Variants in MALRD1 observed in about 807,000 individuals in gnomAD.
MALRD1 encodes MAM and LDL receptor class A domain containing 1.
Under a neutral mutation model 242.1 loss-of-function variants are expected in MALRD1, and 247 were observed. The observed-to-expected ratio is 1.02, with a 90% confidence interval of 0.92 to 1.13. MALRD1 has a LOEUF of 1.13. Among genes scored for constraint, MALRD1 ranks in the 50% most tolerant of loss-of-function variants. The pLI is 0.00. For missense variants in MALRD1, 2,989 were observed against 2,533.1 expected (o/e 1.18, Z -3.86); for synonymous variants, 995 against 866.6 (o/e 1.15, Z -2.60).
intron 8 of MALRD1, among the ~76,000 whole-genome samples, chr10:19,130,795 C>A (rs1833071885): frequency 6.6e-6 from 1 of 152,086 alleles, no homozygotes; most frequent in African/African-American, 2.4e-5. Flanking sequence ...TGCCATTCTT[C>A]TGGTGGCTTT....
chr10:19,320,939 T>C (rs1473377343), intron 21 of MALRD1, among the ~76,000 whole-genome samples: 4 of 152,086 alleles, frequency 2.6e-5, no homozygotes, highest in African/African-American at 9.7e-5. Flanking sequence ...TCTTATAAAT[T>C]TCTGTAAGTT....
At chr10:19,374,867 T>C (rs566656666) in intron 26 of MALRD1, among the ~76,000 whole-genome samples, 200 of 152,186 alleles carry the variant, frequency 1.3e-3, no homozygotes, top group Non-Finnish European at 2.4e-3. Context: ...GTGATCACAC[T>C]ACATTTTTCT....
At chr10:19,221,164 G>T (rs982570168) in intron 18 of MALRD1, among the ~76,000 whole-genome samples, 1 of 151,842 alleles carries the variant, frequency 6.6e-6, no homozygotes, top group East Asian at 1.9e-4. Context: ...TCATTTGTGG[G>T]GTGTGTCTTA....
At chr10:19,649,437 G>T (rs1840776283) in intron 36 of MALRD1, among the ~76,000 whole-genome samples, 1 of 152,100 alleles carries the variant, frequency 6.6e-6, no homozygotes, top group African/African-American at 2.4e-5. Context: ...ATTTGGACAG[G>T]TGTGAGATGG....
At chr10:19,284,375 A>G (rs1410726677) in intron 21 of MALRD1, among the ~76,000 whole-genome samples, 3 of 147,378 alleles carry the variant, frequency 2.0e-5, no homozygotes, top group African/African-American at 5.0e-5. Flanking sequence ...AGCATTAGGT[A>G]TATCTCCCAA....
chr10:19,543,565 T>C (rs1002804809), intron 32 of MALRD1, among the ~76,000 whole-genome samples: 10 of 150,874 alleles, frequency 6.6e-5, no homozygotes, highest in Admixed American at 1.3e-4. Context: ...TGAGCCACCA[T>C]ACTAGGCTTA....
At chr10:19,259,367 G>A (rs985646270) in intron 19 of MALRD1, among the ~76,000 whole-genome samples, 6 of 152,016 alleles carry the variant, frequency 3.9e-5, no homozygotes, top group Non-Finnish European at 4.4e-5. Flanking sequence ...AGACATACCC[G>A]AGCCTGGGTA....
At chr10:19,224,088 G>T (rs932724739) in intron 18 of MALRD1, among the ~76,000 whole-genome samples, 2 of 152,154 alleles carry the variant, frequency 1.3e-5, no homozygotes, top group African/African-American at 4.8e-5. Context: ...TAGGTCAAAT[G>T]GTATTTCTAG....
At chr10:19,225,469 A>G (rs1444502242) in intron 18 of MALRD1, among the ~76,000 whole-genome samples, 4 of 152,052 alleles carry the variant, frequency 2.6e-5, no homozygotes, top group Admixed American at 2.0e-4. Context: ...CAACGTTTCT[A>G]TTCACATATG....
intron 17 of MALRD1, among the ~76,000 whole-genome samples, chr10:19,208,299 C>A (rs1266934607): frequency 2.0e-5 from 3 of 152,036 alleles, no homozygotes; most frequent in Admixed American, 6.6e-5. Context: ...AAGGCACATA[C>A]CTAACATTAG....
intron 25 of MALRD1, among the ~76,000 whole-genome samples, chr10:19,349,978 T>G (rs1257526927): frequency 6.6e-6 from 1 of 152,092 alleles, no homozygotes. Context: ...TGTCAAAAAA[T>G]TAATGATGAA....
rs1320572466 is a variant in MALRD1 at position 19,655,430 on chromosome 10, G to A, written c.6138-36852G>A. Among the ~76,000 whole-genome samples the A allele has an allele frequency of 6.7e-5, 10 of 150,322 alleles. No individual in the cohort carries two copies. In the Admixed American group the frequency reaches 6.7e-4, roughly 10 times the overall value. ...TCTTCAATGTAATTATTGTTGATTT[G>A]AAGATATTCTTGACATCAAAGAGCC... On this transcript the variant is annotated intron_variant, in intron 36 of 39. Coordinates refer to ENST00000454679, the MANE Select transcript of MALRD1 (RefSeq NM_001142308.3).
At chr10:19,538,519 C>A (rs1017776460) in intron 32 of MALRD1, among the ~76,000 whole-genome samples, 5 of 152,034 alleles carry the variant, frequency 3.3e-5, no homozygotes, top group Non-Finnish European at 7.4e-5. Flanking sequence ...CAAAAGAGCC[C>A]TAAATGAAAC....
chr10:19,623,329 G>C (rs1839491760), intron 36 of MALRD1, among the ~76,000 whole-genome samples: 1 of 152,024 alleles, frequency 6.6e-6, no homozygotes, highest in Admixed American at 6.6e-5. Flanking sequence ...ATGTCACAGA[G>C]AAGAAAGAGA....
At chr10:19,159,727 A>G (rs1262162929) in intron 12 of MALRD1, among the ~76,000 whole-genome samples, 1 of 152,154 alleles carries the variant, frequency 6.6e-6, no homozygotes, top group African/African-American at 2.4e-5. Context: ...AGACTGAAGT[A>G]TCAGAGAGCC....
chr10:19,537,421 G>C (rs1241107194), intron 32 of MALRD1, among the ~76,000 whole-genome samples: 2 of 147,646 alleles, frequency 1.4e-5, no homozygotes, highest in East Asian at 3.9e-4. Context: ...AGATCAAGGG[G>C]CTGGCAAGTT....
chr10:19,108,092 T>G (rs1431309698), intron 5 of MALRD1, among the ~76,000 whole-genome samples: 1 of 152,196 alleles, frequency 6.6e-6, no homozygotes, highest in Admixed American at 6.5e-5. Flanking sequence ...GCTGTGCCTT[T>G]CTTCATCTTT....
intron 28 of MALRD1, among the ~76,000 whole-genome samples, chr10:19,428,459 A>G (rs1200290719): frequency 1.3e-5 from 2 of 152,010 alleles, no homozygotes; most frequent in East Asian, 1.9e-4. Flanking sequence ...TTTCTATCTC[A>G]TGGTAACCCC....
At chr10:19,094,453 C>T (rs930386747) in intron 4 of MALRD1, among the ~76,000 whole-genome samples, 93 of 148,722 alleles carry the variant, frequency 6.3e-4, no homozygotes, top group African/African-American at 2.0e-3. Flanking sequence ...CTTCGGCTCG[C>T]GCACGGTGTG....
Sources: allele counts gnomAD v4.1 joint callset (sites outside exome capture counted in the v4.1 genomes callset), GRCh38; gene constraint gnomAD v4.1.1; transcripts MANE v1.5; gene names NCBI Gene and HGNC (gene_info 2026-07-23, HGNC 2026-07-21).